Variants in ZSWIM7 observed in about 807,000 individuals in gnomAD.
ZSWIM7 encodes zinc finger SWIM-type containing 7.
ZSWIM7 carries 22 observed loss-of-function variants against 21.1 expected under a neutral mutation model. The ratio of observed to expected loss-of-function variants is 1.04; its 90% CI spans 0.74 to 1.49. ZSWIM7 has a LOEUF of 1.49. Among genes scored for constraint, ZSWIM7 ranks in the 40% most tolerant of loss-of-function variants. ZSWIM7 has a pLI of 0.00. For synonymous variants in ZSWIM7, 67 were observed against 66.5 expected, an observed-to-expected ratio of 1.01 and a Z score of -0.04; for missense variants, 193 against 168.0, an observed-to-expected ratio of 1.15 and a Z score of -0.82.
At chr17:15,989,026 A>G (rs1393749003) in intron 2 of ZSWIM7, among the ~76,000 whole-genome samples, 2 of 152,240 alleles carry the variant, frequency 1.3e-5, no homozygotes, top group African/African-American at 4.8e-5. Flanking sequence ...TCAAAAAAAA[A>G]ATAAATGAAA....
rs1970290704 is a variant in ZSWIM7, at chr17:15,977,358, C to A, written c.*689G>T. The A allele has an allele frequency of 6.6e-6, 1 of 152,072 alleles. No individual in the cohort carries two copies. The highest frequency in any genetic ancestry group is 2.4e-5 in the African/African-American group (1 of 41,390). The allele number at this position is 152,072 out of a possible 1,614,324, so 9.4% of individuals were successfully genotyped here. A position where few individuals can be genotyped will look rare whatever the true frequency, so the allele number is the denominator to read the frequency against. On this transcript the variant is annotated 3_prime_UTR_variant, in exon 5 of 5. Coordinates refer to ENST00000399277, the MANE Select transcript of ZSWIM7 (RefSeq NM_001042697.2). ...TCGAAACTTCATCTTACTGTTTGGC[C>A]CACCATTCCAACCTTTTAAAAATTA... is the stretch of plus-strand genomic sequence containing the variant.
rs1290240357 is a variant in ZSWIM7, at chr17:15,987,378, A to C, written c.99-10T>G. The C allele has an allele frequency of 6.2e-7, 1 of 1,610,990 alleles. No homozygotes were observed. Among genetic ancestry groups the C allele is most frequent in the Non-Finnish European group, 8.5e-7 (1 of 1,178,384 alleles). On this transcript the variant is annotated splice_polypyrimidine_tract_variant and intron_variant, in intron 2 of 4. Transcript: ENST00000399277. Reference sequence around the variant, plus strand: ...AAAGAGAAACTTCAGCCTGTGAAATAAAAACACTTCAGATTAGAAGGCCTG... The same window carrying C: ...AAAGAGAAACTTCAGCCTGTGAAATCAAAACACTTCAGATTAGAAGGCCTG...
intron 1 of ZSWIM7, among the ~76,000 whole-genome samples, chr17:15,998,485 TG>T (rs1249398148): frequency 6.6e-6 from 1 of 152,226 alleles, no homozygotes; most frequent in Non-Finnish European, 1.5e-5. Context: ...GATGGCAGTT[TG>T]GGGGCCTGAT....
At chr17:15,991,332 C>A (rs1038758483) in intron 2 of ZSWIM7, among the ~76,000 whole-genome samples, 4 of 152,060 alleles carry the variant, frequency 2.6e-5, no homozygotes, top group Non-Finnish European at 4.4e-5. Context: ...CTGAGAATAT[C>A]CTCACTGTAA....
intron 1 of ZSWIM7, among the ~76,000 whole-genome samples, chr17:15,997,002 T>C (rs1451929400): frequency 6.6e-6 from 1 of 151,392 alleles, no homozygotes; most frequent in Non-Finnish European, 1.5e-5. Context: ...CTACAAAAAA[T>C]ACAAAAAACT....
intron 4 of ZSWIM7, among the ~76,000 whole-genome samples, chr17:15,979,600 G>A (rs1369045084): frequency 2.7e-5 from 4 of 149,382 alleles, no homozygotes; most frequent in South Asian, 2.1e-4. Context: ...CGGACGAGGC[G>A]GCTGGCCAGG....
chr17:15,999,640 C>G lies in ZSWIM7; in HGVS notation c.-46G>C, dbSNP rs1308161678. Reference sequence around the variant, plus strand: ...CCACGACCGGCGGACCGCCGCGACGCTCCAGCTGACTGCGCCTACCTGTGG... The same window carrying G: ...CCACGACCGGCGGACCGCCGCGACGGTCCAGCTGACTGCGCCTACCTGTGG... On this transcript the variant is annotated 5_prime_UTR_variant, in exon 1 of 5. Transcript: ENST00000399277. 2 of 1,566,120 alleles carry G rather than the reference C, an allele frequency of 1.3e-6. No individual in the cohort carries two copies. Among genetic ancestry groups the G allele is most frequent in the Non-Finnish European group, 8.6e-7 (1 of 1,156,738 alleles).
chr17:15,982,006 C>A (rs896777879), intron 3 of ZSWIM7, among the ~76,000 whole-genome samples: 1 of 152,150 alleles, frequency 6.6e-6, no homozygotes, highest in African/African-American at 2.4e-5. Context: ...AAAGCAAAGA[C>A]CCTTGCGAAA....
chr17:15,990,028 G>C (rs888745712), intron 2 of ZSWIM7, among the ~76,000 whole-genome samples: 5 of 152,056 alleles, frequency 3.3e-5, no homozygotes, highest in African/African-American at 9.7e-5. Context: ...AGACCATCCT[G>C]GCTAACACGG....
intron 1 of ZSWIM7, among the ~76,000 whole-genome samples, chr17:15,997,758 C>T (rs1170074754): frequency 1.3e-5 from 2 of 152,280 alleles, no homozygotes; most frequent in Non-Finnish European, 1.5e-5. Context: ...AATGATTATG[C>T]CCCCTTCAGG....
At chr17:15,982,471 T>G (rs1268964973) in intron 3 of ZSWIM7, among the ~76,000 whole-genome samples, 1 of 152,166 alleles carries the variant, frequency 6.6e-6, no homozygotes, top group Non-Finnish European at 1.5e-5. Context: ...TTTTAAATTT[T>G]TTTTGAATTA....
At chr17:15,987,445 G>T in intron 2 of ZSWIM7, 77 bp from the exon 3 acceptor site, 1 of 1,195,716 alleles carries the variant, frequency 8.4e-7, no homozygotes, top group South Asian at 1.4e-5. Flanking sequence ...AGGATCACTA[G>T]ACTTAGTATT....
chr17:15,977,968 T>C lies in ZSWIM7; in HGVS notation c.*79A>G. 10 of 1,177,248 alleles carry C rather than the reference T, an allele frequency of 8.5e-6. No homozygotes were observed. The South Asian group carries it at 1.3e-4, about 15-fold the overall frequency. The allele number at this position is 1,177,248 out of a possible 1,614,324, so 72.9% of individuals were successfully genotyped here. A position where few individuals can be genotyped will look rare whatever the true frequency, so the allele number is the denominator to read the frequency against. ...TGTCTGAAGATCCATTTCACCTCTTTTCCATGTGAATCATGACGCTTTCAA... is the reference window on the plus strand; with the variant it reads ...TGTCTGAAGATCCATTTCACCTCTTCTCCATGTGAATCATGACGCTTTCAA... On this transcript the variant is annotated 3_prime_UTR_variant, in exon 5 of 5. Transcript: ENST00000399277.
In ZSWIM7 at chr17:15,977,680, G is replaced by A. The variant is rs1391811922; in HGVS notation, c.*367C>T. 2 of 157,858 alleles carry A rather than the reference G, an allele frequency of 1.3e-5. No individual in the cohort carries two copies. The highest frequency in any genetic ancestry group is 4.9e-5 in the African/African-American group (2 of 40,868). 9.8% of individuals were successfully genotyped at this position (157,858 alleles called of 1,614,324 possible). On this transcript the variant is annotated 3_prime_UTR_variant, in exon 5 of 5. Transcript: ENST00000399277. Reference sequence around the variant, plus strand: ...GATCACGCCACTGCACCCCAGCCTGGGCGACAAAGTGAGACTCCATCTCAA... The same window carrying A: ...GATCACGCCACTGCACCCCAGCCTGAGCGACAAAGTGAGACTCCATCTCAA...
At chr17:15,993,876 T>G (rs1238508955) in intron 1 of ZSWIM7, 98 bp from the exon 2 acceptor site, 1 of 867,722 alleles carries the variant, frequency 1.2e-6, no homozygotes, top group Non-Finnish European at 1.8e-6. Flanking sequence ...CACTTCCGTG[T>G]GTGATGGTCA....
At chr17:15,979,743 T>C (rs374347831) in intron 4 of ZSWIM7, among the ~76,000 whole-genome samples, 514 of 89,540 alleles carry the variant, frequency 5.7e-3, no homozygotes, top group Middle Eastern at 0.037. Context: ...TAGGGGCGGC[T>C]GGGCAGAGGC....
intron 2 of ZSWIM7, among the ~76,000 whole-genome samples, chr17:15,988,231 G>A (rs1178637923): frequency 2.0e-5 from 3 of 151,956 alleles, no homozygotes; most frequent in Admixed American, 6.5e-5. Context: ...ATAAAATATC[G>A]TAGACTTCTT....
At chr17:15,979,576 C>T (rs1361364814) in intron 4 of ZSWIM7, among the ~76,000 whole-genome samples, 17 of 148,308 alleles carry the variant, frequency 1.1e-4, no homozygotes, top group Middle Eastern at 3.6e-3. Context: ...CGGGCAGAGG[C>T]GCCCCTCACC....
chr17:15,984,236 T>G (rs529671173), intron 3 of ZSWIM7, among the ~76,000 whole-genome samples: 4 of 152,332 alleles, frequency 2.6e-5, no homozygotes, highest in African/African-American at 7.2e-5. Context: ...TATCTAGCAG[T>G]GGACAACTAA....
Sources: gnomAD v4.1 joint callset for allele counts (sites outside exome capture counted in the v4.1 genomes callset) on GRCh38, gnomAD v4.1.1 for gene constraint, MANE v1.5 for transcripts, NCBI Gene and HGNC (gene_info 2026-07-23, HGNC 2026-07-21) for gene names.